The following RASSF9 variants were observed in gnomAD, a reference collection of about 807,000 sequenced individuals.
The protein encoded by RASSF9 is Ras association domain family member 9, also known as ras association domain-containing protein 9.
A neutral mutation model predicts 21.4 loss-of-function variants in RASSF9; 18 were observed. The observed-to-expected ratio is 0.84, with a 90% CI of 0.58 to 1.25. The LOEUF (loss-of-function observed/expected upper bound fraction) is 1.25. Among genes scored for constraint, RASSF9 ranks in the 50% most tolerant of loss-of-function variants. RASSF9 has a pLI of 0.00. For missense variants in RASSF9, 480 were observed against 503.2 expected (o/e 0.95, Z 0.44); for synonymous variants, 183 against 179.1 (o/e 1.02, Z -0.18).
intron 1 of RASSF9, among the ~76,000 whole-genome samples, chr12:85,824,330 C>T (rs1880281575): frequency 6.6e-6 from 1 of 152,154 alleles, no homozygotes; most frequent in East Asian, 1.9e-4. Flanking sequence ...CTTTGCCTCT[C>T]TCCTCTTACT....
chr12:85,813,088 T>C (rs947389194), intron 1 of RASSF9, among the ~76,000 whole-genome samples: 1 of 151,850 alleles, frequency 6.6e-6, no homozygotes, highest in African/African-American at 2.4e-5. Flanking sequence ...GATATATACT[T>C]GGTTATTCGT....
chr12:85,830,820 A>G (rs1376709445), intron 1 of RASSF9, among the ~76,000 whole-genome samples: 2 of 152,136 alleles, frequency 1.3e-5, no homozygotes, highest in Admixed American at 1.3e-4. Flanking sequence ...TCCAACAAAT[A>G]CACAAACTTT....
intron 1 of RASSF9, among the ~76,000 whole-genome samples, chr12:85,814,015 G>A (rs914360872): frequency 6.6e-5 from 10 of 152,002 alleles, no homozygotes; most frequent in Non-Finnish European, 1.3e-4. Flanking sequence ...AGTCTCTGCA[G>A]AACAAGACTT....
chr12:85,836,091 T>C, intron 1 of RASSF9, 64 bp downstream of exon 1: 1 of 1,548,088 alleles, frequency 6.5e-7, no homozygotes, highest in Non-Finnish European at 8.7e-7. Flanking sequence ...GGGTCCAGAG[T>C]ACACACACAA....
chr12:85,834,394 G>A (rs1880516031), intron 1 of RASSF9, among the ~76,000 whole-genome samples: 1 of 151,762 alleles, frequency 6.6e-6, no homozygotes, highest in Non-Finnish European at 1.5e-5. Flanking sequence ...TCATAATTTT[G>A]CATAGAAAAC....
chr12:85,831,887 A>T (rs1239519897), intron 1 of RASSF9, among the ~76,000 whole-genome samples: 2 of 151,948 alleles, frequency 1.3e-5, no homozygotes, highest in African/African-American at 4.8e-5. Context: ...TGGCCTTAAG[A>T]ACTGTTGTCT....
At chr12:85,819,822 G>A (rs1045582381) in intron 1 of RASSF9, among the ~76,000 whole-genome samples, 2 of 152,136 alleles carry the variant, frequency 1.3e-5, no homozygotes, top group African/African-American at 4.8e-5. Context: ...ATGAAGACCA[G>A]CAGAACGCCA....
At chr12:85,814,269 A>G (rs1351429068) in intron 1 of RASSF9, among the ~76,000 whole-genome samples, 2 of 151,958 alleles carry the variant, frequency 1.3e-5, no homozygotes, top group Non-Finnish European at 1.5e-5. Flanking sequence ...CCCCCAGGAG[A>G]TATGTGACAA....
chr12:85,830,860 C>A (rs1880436479), intron 1 of RASSF9, among the ~76,000 whole-genome samples: 1 of 152,008 alleles, frequency 6.6e-6, no homozygotes, highest in African/African-American at 2.4e-5. Context: ...ACAACAGACT[C>A]TACAAGAATG....
At chr12:85,818,158 T>C (rs1306807025) in intron 1 of RASSF9, among the ~76,000 whole-genome samples, 1 of 152,220 alleles carries the variant, frequency 6.6e-6, no homozygotes, top group South Asian at 2.1e-4. Context: ...AAAAGATACA[T>C]TGGATAATAA....
intron 1 of RASSF9, among the ~76,000 whole-genome samples, chr12:85,831,265 T>TGTTATGTTG (rs1267293874): frequency 6.6e-6 from 1 of 152,038 alleles, no homozygotes; most frequent in Non-Finnish European, 1.5e-5. Context: ...CATCAAAACT[T>TGTTATGTTG]CCTGAGTTAT....
chr12:85,814,590 AC>A (rs1281894084), intron 1 of RASSF9, among the ~76,000 whole-genome samples: 1 of 151,998 alleles, frequency 6.6e-6, no homozygotes, highest in East Asian at 1.9e-4. Flanking sequence ...AGCCAGGGAG[AC>A]CCACCAATCT....
Position 85,812,966 on chromosome 12 carries a change from A to G in RASSF9, c.48-7004T>C, listed in dbSNP as rs540671771. Among the ~76,000 whole-genome samples, 8 of 151,942 alleles carry G rather than the reference A, an allele frequency of 5.3e-5. No individual in the cohort carries two copies. In the South Asian group the frequency reaches 6.2e-4, roughly 12 times the overall value. ...AAGAGGCGTTTTAAAAATCATTAGT[A>G]TACACTTTGGATCAAAGATGAGCCC... On this transcript the variant is annotated intron_variant, in intron 1 of 1. Coordinates refer to ENST00000361228, the MANE Select transcript of RASSF9 (RefSeq NM_005447.4).
intron 1 of RASSF9, among the ~76,000 whole-genome samples, chr12:85,816,768 A>G (rs1428725207): frequency 6.6e-6 from 1 of 152,196 alleles, no homozygotes; most frequent in Non-Finnish European, 1.5e-5. Flanking sequence ...CATAAAAATT[A>G]AACTTTTTAT....
At chr12:85,817,641 A>G (rs1880104816) in intron 1 of RASSF9, among the ~76,000 whole-genome samples, 1 of 152,012 alleles carries the variant, frequency 6.6e-6, no homozygotes, top group Admixed American at 6.6e-5. Flanking sequence ...AATTATTATA[A>G]TTTGTTTCAA....
chr12:85,811,252 G>A (rs1592528241), intron 1 of RASSF9, among the ~76,000 whole-genome samples: 1 of 151,688 alleles, frequency 6.6e-6, no homozygotes. Context: ...AGAATCCCCT[G>A]TATCTGACTC....
Position 85,805,694 on chromosome 12 carries a change from C to G in RASSF9, c.316G>C (p.Glu106Gln), listed in dbSNP as rs562341468. Residue 106 changes from glutamate to glutamine, a missense_variant, in exon 2 of 2, where the codon GAG becomes CAG. By Grantham distance (29) the Glu-to-Gln change is conservative. Coordinates refer to ENST00000361228, the MANE Select transcript of RASSF9 (RefSeq NM_005447.4). ...ILKLWKAWGDEQPNMQFVLVK... is the reference protein window; with the variant it reads ...ILKLWKAWGDQQPNMQFVLVK... ...AAAACAAATTGCATATTGGGCTGCT[C>G]ATCTCCCCACGCTTTCCAAAGCTTC... 2.5e-6 allele frequency: 4 copies of G among 1,613,980 alleles called. No homozygotes were observed. The African/African-American group carries it at 5.3e-5, about 22-fold the overall frequency.
At chr12:85,831,700 A>C (rs1880455003) in intron 1 of RASSF9, among the ~76,000 whole-genome samples, 1 of 151,908 alleles carries the variant, frequency 6.6e-6, no homozygotes, top group South Asian at 2.1e-4. Flanking sequence ...TGGAAGGATA[A>C]ACAAAATAGT....
chr12:85,823,185 GC>G (rs1449291974), intron 1 of RASSF9, among the ~76,000 whole-genome samples: 1 of 136,634 alleles, frequency 7.3e-6, no homozygotes, highest in Non-Finnish European at 1.5e-5. Flanking sequence ...GGGCGACAGA[GC>G]AAAACTCCGT....
Sources: allele counts gnomAD v4.1 joint callset (sites outside exome capture counted in the v4.1 genomes callset), GRCh38; gene constraint gnomAD v4.1.1; transcripts MANE v1.5; gene names NCBI Gene and HGNC (gene_info 2026-07-23, HGNC 2026-07-21).